EME2: variants seen among roughly 807,000 people sequenced by gnomAD.
EME2 encodes structure-specific endonuclease subunit EME2.
EME2 carries 58 observed loss-of-function variants against 41.9 expected under a neutral mutation model. The observed-to-expected ratio is 1.38, with a 90% CI of 1.12 to 1.72. The LOEUF is 1.72. EME2 is among the 40% of genes most tolerant of loss of function. EME2 has a pLI of 0.00. For synonymous variants in EME2, 334 were observed against 239.3 expected, an observed-to-expected ratio of 1.40 and a Z score of -3.65; for missense variants, 695 against 541.9, an observed-to-expected ratio of 1.28 and a Z score of -2.81.
chr16:1,774,957 C>T (rs1169718877), intron 3 of EME2, 84 bp from the exon 4 acceptor site: 2 of 1,088,818 alleles, frequency 1.8e-6, no homozygotes, highest in Non-Finnish European at 1.4e-6. Context: ...GCTTGCTGTT[C>T]TGCAAACCAG....
rs147735377 is a variant in EME2 at position 1,777,132 on chromosome 16, G to C, written c.*894G>C. 9.3e-6 allele frequency: 15 copies of C among 1,611,514 alleles called. No homozygotes were observed. The highest frequency in any genetic ancestry group is 1.3e-5 in the African/African-American group (1 of 74,920). On this transcript the variant is annotated 3_prime_UTR_variant, in exon 8 of 8. Coordinates refer to ENST00000568449, the MANE Select transcript of EME2 (RefSeq NM_001257370.2). Reference sequence around the variant, plus strand: ...CGGCAGCGCTTCCTCTGGCAGGGCCGAGGCTCGCGACTGCTGGGGTGGGCG... The same window carrying C: ...CGGCAGCGCTTCCTCTGGCAGGGCCCAGGCTCGCGACTGCTGGGGTGGGCG...
chr16:1,781,029 A>G lies in EME2; in HGVS notation c.*4791A>G. The G allele has an allele frequency of 1.6e-6, 1 of 626,858 alleles. No individual in the cohort carries two copies. Among genetic ancestry groups the G allele is most frequent in the Non-Finnish European group, 2.5e-6 (1 of 405,418 alleles). 38.8% of individuals were successfully genotyped at this position (626,858 alleles called of 1,614,324 possible). On this transcript the variant is annotated 3_prime_UTR_variant, in exon 8 of 8. Transcript: ENST00000568449. ...ATTATAGGTGTGAGCCACAGTGCCCAGCCCCGTAGTGGAGAATTTCTGTTG... is the reference window on the plus strand; with the variant it reads ...ATTATAGGTGTGAGCCACAGTGCCCGGCCCCGTAGTGGAGAATTTCTGTTG...
rs753395496 is a variant in EME2 at position 1,775,911 on chromosome 16, G to A, written c.894G>A (p.Arg298=). ...AGGCGGCCTGGCGGAGGCAGATCAG[G>A]CAGTTCAGTCGGGTCAGCCCAGCCG... is the stretch of plus-strand genomic sequence containing the variant. ...GLQAAWRRQI[R]QFSRVSPAVA... is the part of the protein sequence containing the mutation. The change falls in exon 7 of 8, where the codon AGG becomes AGA. Residue 298 remains arginine (R), a synonymous_variant. Transcript: ENST00000568449. 1.9e-6 allele frequency: 3 copies of A among 1,612,228 alleles called. No individual in the cohort carries two copies. Among genetic ancestry groups the A allele is most frequent in the African/African-American group, 1.3e-5 (1 of 74,932 alleles).
At position 1,776,390 on chromosome 16, in the gene EME2, G is replaced by A; in HGVS notation, c.*152G>A. 2 of 686,762 alleles carry A rather than the reference G, an allele frequency of 2.9e-6. No homozygotes were observed. The highest frequency in any genetic ancestry group is 2.4e-6 in the Non-Finnish European group (1 of 420,126). 42.5% of individuals were successfully genotyped at this position (686,762 alleles called of 1,614,324 possible). ...GACCTCAGGGGAAGGGTGGGTGGTT[G>A]CAGGGGAAGTTTTAGGTAGCTGGGA... On this transcript the variant is annotated 3_prime_UTR_variant, in exon 8 of 8. Transcript: ENST00000568449.
chr16:1,781,053 T>G lies in EME2; in HGVS notation c.*4815T>G, dbSNP rs963556841. On this transcript the variant is annotated 3_prime_UTR_variant, in exon 8 of 8. Transcript: ENST00000568449. ...CAGCCCCGTAGTGGAGAATTTCTGTTGAATGAACCAAAAGCAACTGCCAAC... is the reference window on the plus strand; with the variant it reads ...CAGCCCCGTAGTGGAGAATTTCTGTGGAATGAACCAAAAGCAACTGCCAAC... 7 of 876,646 alleles carry G rather than the reference T, an allele frequency of 8.0e-6. No homozygotes were observed. Among genetic ancestry groups the G allele is most frequent in the Middle Eastern group, 3.8e-4 (1 of 2,602 alleles). 54.3% of individuals were successfully genotyped at this position (876,646 alleles called of 1,614,324 possible). A position where few individuals can be genotyped will look rare whatever the true frequency, so the allele number is the denominator to read the frequency against.
At chr16:1,774,675 G>A (rs563107475) in intron 3 of EME2, among the ~76,000 whole-genome samples, 1 of 152,260 alleles carries the variant, frequency 6.6e-6, no homozygotes, top group East Asian at 1.9e-4. Flanking sequence ...CAGGTGCTGT[G>A]GTGCCAGGTA....
chr16:1,781,583 G>A lies in EME2; in HGVS notation c.*5345G>A. 6.9e-7 allele frequency: 1 copy of A among 1,451,298 alleles called. No homozygotes were observed. Among genetic ancestry groups the A allele is most frequent in the South Asian group, 1.3e-5 (1 of 76,290 alleles). The allele number at this position is 1,451,298 out of a possible 1,614,324, so 89.9% of individuals were successfully genotyped here. Reference sequence around the variant, plus strand: ...AGGCTGGGCCACGGACCCACTCAAAGTGGGGACTGCAGGGGCCGCACCGGT... The same window carrying A: ...AGGCTGGGCCACGGACCCACTCAAAATGGGGACTGCAGGGGCCGCACCGGT... On this transcript the variant is annotated 3_prime_UTR_variant, in exon 8 of 8. Transcript: ENST00000568449.
In EME2 at chr16:1,781,251, G is replaced by T; in HGVS notation, c.*5013G>T. ...TTGGACTGGTCCTCTAGCCTCAGAAGCATCTTTTTCTCCGACTGATTCCGT... is the reference window on the plus strand; with the variant it reads ...TTGGACTGGTCCTCTAGCCTCAGAATCATCTTTTTCTCCGACTGATTCCGT... On this transcript the variant is annotated 3_prime_UTR_variant, in exon 8 of 8. Coordinates refer to ENST00000568449, the MANE Select transcript of EME2 (RefSeq NM_001257370.2). The T allele has an allele frequency of 2.5e-6, 4 of 1,604,666 alleles. No individual in the cohort carries two copies. The highest frequency in any genetic ancestry group is 3.4e-6 in the Non-Finnish European group (4 of 1,178,842).
rs200289185 is a variant in EME2 at position 1,775,089 on chromosome 16, G to T, written c.526G>T (p.Ala176Ser). 25 of 1,611,090 alleles carry T rather than the reference G, an allele frequency of 1.6e-5. No individual in the cohort carries two copies. The South Asian group carries it at 2.6e-4, about 17-fold the overall frequency. ...WVPWISPETT[A>S]RPHLAVIGLD... is the part of the protein sequence containing the mutation. ...GCCCTGGATCTCCCCCGAGACCACC[G>T]CCCGGCCCCACCTGGCTGTCATCGG... The change falls in exon 4 of 8, where the codon GCC becomes TCC. Residue 176 changes from alanine (A) to serine (S), a missense_variant. By Grantham distance (99) the Ala-to-Ser change is moderately conservative (BLOSUM62 1). Transcript: ENST00000568449.
Position 1,773,125 on chromosome 16 carries a change from G to A in EME2, c.-103G>A. ...CGCACCTTCTTCCGCGCCATGGCGG[G>A]TCCGCGTCCTCAGCGGTCCGGCCGG... On this transcript the variant is annotated 5_prime_UTR_variant, in exon 1 of 8. Coordinates refer to ENST00000568449, the MANE Select transcript of EME2 (RefSeq NM_001257370.2). The A allele has an allele frequency of 7.2e-7, 1 of 1,391,016 alleles. No homozygotes were observed. The highest frequency in any genetic ancestry group is 9.3e-7 in the Non-Finnish European group (1 of 1,077,990). 86.2% of individuals were successfully genotyped at this position (1,391,016 alleles called of 1,614,324 possible). A position where few individuals can be genotyped will look rare whatever the true frequency, so the allele number is the denominator to read the frequency against.
At chr16:1,774,995 G>T (rs369352829) in intron 3 of EME2, 46 bp from the exon 4 acceptor site, 1 of 1,514,374 alleles carries the variant, frequency 6.6e-7, no homozygotes. Context: ...ATGGCCATAG[G>T]CCGCAGCCTC....
Position 1,777,897 on chromosome 16 carries a change from A to G in EME2, c.*1659A>G. ...CCTGGGGGCAGCCAGGGTCGCAGTG[A>G]GCCCGGGAGCTCCAGGCTCGGCCCC... On this transcript the variant is annotated 3_prime_UTR_variant, in exon 8 of 8. Transcript: ENST00000568449. The G allele has an allele frequency of 6.2e-7, 1 of 1,611,800 alleles. No individual in the cohort carries two copies. Among genetic ancestry groups the G allele is most frequent in the Middle Eastern group, 1.7e-4 (1 of 6,014 alleles).
chr16:1,777,174 G>A lies in EME2; in HGVS notation c.*936G>A, dbSNP rs781451093. ...GGGTGGGCGGAGGTCGCTGCCTGGG[G>A]ATCGGACACTGGAGCCTTGCGGCGG... is the stretch of plus-strand genomic sequence containing the variant. On this transcript the variant is annotated 3_prime_UTR_variant, in exon 8 of 8. Coordinates refer to ENST00000568449, the MANE Select transcript of EME2 (RefSeq NM_001257370.2). 3 of 1,610,884 alleles carry A rather than the reference G, an allele frequency of 1.9e-6. No individual in the cohort carries two copies. Among genetic ancestry groups the A allele is most frequent in the African/African-American group, 2.7e-5 (2 of 74,926 alleles).
intron 3 of EME2, 152 bp from the exon 4 acceptor site, chr16:1,774,889 T>C (rs1310684728): frequency 1.6e-5 from 11 of 703,392 alleles, no homozygotes; most frequent in Non-Finnish European, 2.7e-5. Context: ...CAGAGCTGGT[T>C]TTCTCAGAAG....
intron 2 of EME2, 68 bp from the exon 3 acceptor site, chr16:1,774,192 T>G: frequency 1.5e-6 from 2 of 1,376,582 alleles, no homozygotes; most frequent in Non-Finnish European, 2.1e-6. Flanking sequence ...GCTGCTGGAC[T>G]GCCCAGGCAG....
In EME2 at chr16:1,777,545, G is replaced by A. The variant is rs2042732802; in HGVS notation, c.*1307G>A. On this transcript the variant is annotated 3_prime_UTR_variant, in exon 8 of 8. Coordinates refer to ENST00000568449, the MANE Select transcript of EME2 (RefSeq NM_001257370.2). ...CTACAGTCACCCGGGTGGGCAGCTG[G>A]CACAGCTGAGGCAAGGCAGGGTGCA... The A allele has an allele frequency of 7.3e-7, 1 of 1,362,972 alleles. No homozygotes were observed. The highest frequency in any genetic ancestry group is 1.5e-5 in the African/African-American group (1 of 68,476). The allele number at this position is 1,362,972 out of a possible 1,614,324, so 84.4% of individuals were successfully genotyped here. A position where few individuals can be genotyped will look rare whatever the true frequency, so the allele number is the denominator to read the frequency against.
rs745862686 is a variant in EME2, at chr16:1,778,660, C to T, written c.*2422C>T. The stretch of plus-strand genomic sequence containing the variant: ...TACTACCTGTTGCCCGCTCTCTACC[C>T]TCTCACCCTTGCCCTCTGTCCCTGT... On this transcript the variant is annotated 3_prime_UTR_variant, in exon 8 of 8. Transcript: ENST00000568449. 2.0e-6 allele frequency: 3 copies of T among 1,510,574 alleles called. No individual in the cohort carries two copies. Among genetic ancestry groups the T allele is most frequent in the Admixed American group, 2.0e-5 (1 of 49,340 alleles). 93.6% of individuals were successfully genotyped at this position (1,510,574 alleles called of 1,614,324 possible).
At chr16:1,775,174 G>A (rs143812454) in intron 4 of EME2, 42 bp downstream of exon 4, 56 of 1,599,098 alleles carry the variant, frequency 3.5e-5, no homozygotes, top group Middle Eastern at 1.7e-4. Flanking sequence ...TGGCTGGGAC[G>A]GGGGTTCAGG....
chr16:1,781,201 G>C lies in EME2; in HGVS notation c.*4963G>C. 1 of 1,557,698 alleles carries C rather than the reference G, an allele frequency of 6.4e-7. No individual in the cohort carries two copies. The highest frequency in any genetic ancestry group is 2.4e-5 in the East Asian group (1 of 42,294). On this transcript the variant is annotated 3_prime_UTR_variant, in exon 8 of 8. Transcript: ENST00000568449. Reference sequence around the variant, plus strand: ...AAATTAAAGAGTCTTACTGAATGCGGTGCATCCAGGAGACAGGCCCAGGTT... The same window carrying C: ...AAATTAAAGAGTCTTACTGAATGCGCTGCATCCAGGAGACAGGCCCAGGTT...
Sources: gnomAD v4.1 joint callset for allele counts (sites outside exome capture counted in the v4.1 genomes callset) on GRCh38, gnomAD v4.1.1 for gene constraint, MANE v1.5 for transcripts, NCBI Gene and HGNC (gene_info 2026-07-23, HGNC 2026-07-21) for gene names.